Variants in PPIP5K1 observed in about 807,000 individuals in gnomAD.
The protein encoded by PPIP5K1 is inositol hexakisphosphate and diphosphoinositol-pentakisphosphate kinase 1.
A neutral mutation model predicts 27.7 loss-of-function variants in PPIP5K1; 6 were observed. The observed-to-expected ratio is 0.22, with a 90% CI of 0.12 to 0.43. The LOEUF is 0.43. PPIP5K1 is among the 20% of genes least tolerant of loss of function. The pLI is 1.00. For missense variants in PPIP5K1, 394 were observed against 635.4 expected, an observed-to-expected ratio of 0.62 and a Z score of 4.08; for synonymous variants, 145 against 242.6, an observed-to-expected ratio of 0.60 and a Z score of 3.74.
rs16957847 is a variant in PPIP5K1, at chr15:43,538,849, C to T, written c.3670+621G>A. Among the ~76,000 whole-genome samples the T allele has an allele frequency of 7.9e-4, 121 of 152,260 alleles. No homozygotes were observed. The East Asian group carries it at 0.022, about 27-fold the overall frequency. ...CTTTTCTAAATATCTAGGTTGTCTG[C>T]TAGTCATCTTTACTGGAGAAAACTG... On this transcript the variant is annotated intron_variant, in intron 31 of 31. Transcript: ENST00000420765.
At chr15:43,539,654 G>C (rs769762808) in intron 30 of PPIP5K1, 71 bp from the exon 31 acceptor site, 18 of 971,916 alleles carry the variant, frequency 1.9e-5, no homozygotes, top group Non-Finnish European at 2.7e-5. Flanking sequence ...GGAGCCACAC[G>C]TTCTCAACAT....
Position 43,558,841 on chromosome 15 carries a change from A to G in PPIP5K1, c.3510T>C (p.Ser1170=). ...LSLRQVSEFL[S]RVCQRHTDAQ... ...CATCAGTGTGGCGCTGGCAGACTCTACTCAAGAATTCACTCACTTGACGTA... is the reference window on the plus strand; with the variant it reads ...CATCAGTGTGGCGCTGGCAGACTCTGCTCAAGAATTCACTCACTTGACGTA... The change falls in exon 30 of 32, where the codon AGT becomes AGC. Residue 1170 remains serine (S), a synonymous_variant. Coordinates refer to ENST00000420765, the MANE Select transcript of PPIP5K1 (RefSeq NM_001394395.1). The G allele has an allele frequency of 6.2e-7, 1 of 1,614,058 alleles. No homozygotes were observed. The highest frequency in any genetic ancestry group is 8.5e-7 in the Non-Finnish European group (1 of 1,180,026).
At chr15:43,549,863 T>A (rs2140834058) in intron 30 of PPIP5K1, among the ~76,000 whole-genome samples, 1 of 152,262 alleles carries the variant, frequency 6.6e-6, no homozygotes, top group East Asian at 1.9e-4. Flanking sequence ...CCCAGCTATT[T>A]GGGAGGCTGA....
Position 43,534,775 on chromosome 15 carries a change from T to C in PPIP5K1, c.4372A>G (p.Asn1458Asp), listed in dbSNP as rs1566990429. ...GRLAQETSAINLLSQGIPEID... is the reference protein window; with the variant it reads ...GRLAQETSAIDLLSQGIPEID... ...TCAGGGATGCCCTGAGATAACAGAT[T>C]GATCGCAGAAGTCTCCTGGGCCAGC... The change falls in exon 32 of 32, where the codon AAT becomes GAT. Residue 1458 changes from asparagine to aspartate, a missense_variant. By Grantham distance (23) the Asn-to-Asp change is conservative. This residue lies in a region of PPIP5K1 where 379 missense variants were observed against 423.9 expected (regional missense o/e 0.89). Transcript: ENST00000420765. The C allele has an allele frequency of 6.3e-7, 1 of 1,576,696 alleles. No homozygotes were observed. The highest frequency in any genetic ancestry group is 1.8e-5 in the Admixed American group (1 of 55,202).
chr15:43,558,175 G>C (rs2083261049), intron 30 of PPIP5K1, among the ~76,000 whole-genome samples: 1 of 147,862 alleles, frequency 6.8e-6, no homozygotes, highest in Non-Finnish European at 1.5e-5. Flanking sequence ...AGTTCTCCTA[G>C]CCTCCCAAGC....
rs953605959 is a variant in PPIP5K1 at position 43,534,446 on chromosome 15, G to A, written c.*228C>T. ...AACTACTTCCCCAGACACCGCTGGT[G>A]AGAGCTGGCCAGTGAGTTAGCCAAC... On this transcript the variant is annotated 3_prime_UTR_variant, in exon 32 of 32. Transcript: ENST00000420765. 4 of 419,846 alleles carry A rather than the reference G, an allele frequency of 9.5e-6. No individual in the cohort carries two copies. Among genetic ancestry groups the A allele is most frequent in the Non-Finnish European group, 1.7e-5 (4 of 237,962 alleles). The allele number at this position is 419,846 out of a possible 1,614,324, so 26.0% of individuals were successfully genotyped here. A position where few individuals can be genotyped will look rare whatever the true frequency, so the allele number is the denominator to read the frequency against.
intron 26 of PPIP5K1, among the ~76,000 whole-genome samples, chr15:43,567,413 T>C (rs1300729237): frequency 6.5e-4 from 1 of 1,550 alleles, no homozygotes; most frequent in Non-Finnish European, 1.6e-3. Context: ...CCACTGCGCC[T>C]GGCCAGATCT....
At chr15:43,536,109 G>A (rs1042169156) in intron 31 of PPIP5K1, 6 of 1,286,460 alleles carry the variant, frequency 4.7e-6, no homozygotes, top group Non-Finnish European at 6.1e-6. Context: ...ATGTAAATCA[G>A]AACAATAGGA....
intron 31 of PPIP5K1, chr15:43,537,514 C>G (rs1226897547): frequency 1.6e-5 from 3 of 185,572 alleles, no homozygotes; most frequent in African/African-American, 7.2e-5. Context: ...CATGGCAAAA[C>G]CCCGTCTCTA....
At chr15:43,551,262 A>G (rs1323971246) in intron 30 of PPIP5K1, among the ~76,000 whole-genome samples, 3 of 152,116 alleles carry the variant, frequency 2.0e-5, no homozygotes, top group Non-Finnish European at 4.4e-5. Flanking sequence ...TTACACCAGT[A>G]ATCCCAGCAC....
At chr15:43,543,793 C>CAT (rs150350072) in intron 30 of PPIP5K1, among the ~76,000 whole-genome samples, 36,176 of 147,498 alleles carry the variant, frequency 0.25, 4,567 homozygotes, top group Admixed American at 0.28. Context: ...CTCTGTAATG[C>CAT]ATATATATAT....
chr15:43,579,631 G>GTGTA (rs1310083869), intron 10 of PPIP5K1, among the ~76,000 whole-genome samples: 376 of 35,700 alleles, frequency 0.011, 10 homozygotes, highest in Non-Finnish European at 0.012. Context: ...GTGTGTGTGT[G>GTGTA]TATATATATA....
At chr15:43,536,157 G>A (rs756157851) in intron 31 of PPIP5K1, 57 of 1,235,816 alleles carry the variant, frequency 4.6e-5, no homozygotes, top group Admixed American at 1.7e-4. Flanking sequence ...GGTGGCTCAC[G>A]CCTGTAATCC....
At chr15:43,565,602 T>G (rs1203672072) in intron 26 of PPIP5K1, among the ~76,000 whole-genome samples, 57 of 141,434 alleles carry the variant, frequency 4.0e-4, no homozygotes, top group African/African-American at 1.5e-3. Flanking sequence ...CAGGCTGCAG[T>G]GCAGTGGCAC....
chr15:43,536,284 T>G (rs1404169178), intron 31 of PPIP5K1: 1 of 325,110 alleles, frequency 3.1e-6, no homozygotes, highest in Non-Finnish European at 5.9e-6. Flanking sequence ...CCAGGCGTAG[T>G]GGCGGCTGTC....
chr15:43,549,266 C>T lies in PPIP5K1; in HGVS notation c.3556+9529G>A, dbSNP rs150789507. 4.2e-3 allele frequency among the ~76,000 whole-genome samples: 631 copies of T among 151,746 alleles called. 3 individuals are homozygous for T. The highest frequency in any genetic ancestry group is 0.014 in the African/African-American group (598 of 41,382). Reference sequence around the variant, plus strand: ...AGTTTTTGGTGTACAAATCTTTCAACTTCTTGGTTAAATTTGTTCCCAGGC... The same window carrying T: ...AGTTTTTGGTGTACAAATCTTTCAATTTCTTGGTTAAATTTGTTCCCAGGC... On this transcript the variant is annotated intron_variant, in intron 30 of 31. Transcript: ENST00000420765.
chr15:43,551,335 C>T (rs2584724), intron 30 of PPIP5K1, among the ~76,000 whole-genome samples: 138,459 of 151,798 alleles, frequency 0.91, 63,405 homozygotes, highest in East Asian at 1. Context: ...CTGGCCAACA[C>T]GGCGAAACCC....
In PPIP5K1 at chr15:43,581,221, C is replaced by T; in HGVS notation, c.939+6G>A. 1.3e-6 allele frequency: 2 copies of T among 1,598,742 alleles called. No individual in the cohort carries two copies. The highest frequency in any genetic ancestry group is 1.7e-6 in the Non-Finnish European group (2 of 1,177,446). On this transcript the variant is annotated splice_donor_region_variant and intron_variant, in intron 9 of 31. Transcript: ENST00000420765. ...CATTTCACAACCTCCCTGGGCCCTCCTCTACCTTGAAAGCTACGCAGACTT... is the reference window on the plus strand; with the variant it reads ...CATTTCACAACCTCCCTGGGCCCTCTTCTACCTTGAAAGCTACGCAGACTT...
At chr15:43,539,005 GTT>G (rs1357202506) in intron 31 of PPIP5K1, among the ~76,000 whole-genome samples, 1 of 152,064 alleles carries the variant, frequency 6.6e-6, no homozygotes, top group Non-Finnish European at 1.5e-5. Context: ...GAGGTCGGGA[GTT>G]TGAGACCAGC....
Sources: allele counts gnomAD v4.1 joint callset (sites outside exome capture counted in the v4.1 genomes callset), GRCh38; gene constraint gnomAD v4.1.1; regional missense constraint gnomAD v4.1.1; transcripts MANE v1.5; gene names NCBI Gene and HGNC (gene_info 2026-07-23, HGNC 2026-07-21).